The following ZBTB16 variants were observed in gnomAD, a reference collection of about 807,000 sequenced individuals.
ZBTB16 encodes the protein zinc finger and BTB domain-containing protein 16.
A neutral mutation model predicts 56.8 loss-of-function variants in ZBTB16; 8 were observed. The ratio of observed to expected loss-of-function variants is 0.14; its 90% confidence interval spans 0.08 to 0.25. ZBTB16 has a LOEUF of 0.25. Ranked by LOEUF, ZBTB16 falls within the 10% of genes least tolerant of loss-of-function variation. The probability of loss-of-function intolerance (pLI) is 1.00; values close to 1 mark genes in which losing one functional copy is unlikely to be tolerated. For synonymous variants in ZBTB16, 363 were observed against 368.5 expected (o/e 0.98, Z 0.17); for missense variants, 625 against 903.0 (o/e 0.69, Z 3.95).
intron 3 of ZBTB16, among the ~76,000 whole-genome samples, chr11:114,169,802 C>T (rs1353896033): frequency 2.6e-5 from 4 of 152,246 alleles, no homozygotes; most frequent in East Asian, 1.9e-4. Flanking sequence ...AGGAGAGCTT[C>T]GGGAAGGAGG....
chr11:114,121,080 T>C (rs1664520024), intron 2 of ZBTB16, among the ~76,000 whole-genome samples: 1 of 152,194 alleles, frequency 6.6e-6, no homozygotes, highest in Non-Finnish European at 1.5e-5. Flanking sequence ...AGAGACACCA[T>C]AGAATTGTAT....
chr11:114,166,467 G>A (rs912829214), intron 3 of ZBTB16, among the ~76,000 whole-genome samples: 2 of 152,116 alleles, frequency 1.3e-5, no homozygotes, highest in African/African-American at 4.8e-5. Flanking sequence ...CACCATGTGT[G>A]CATGTGTGTG....
chr11:114,071,950 A>G (rs1021303416), intron 2 of ZBTB16, among the ~76,000 whole-genome samples: 2 of 152,244 alleles, frequency 1.3e-5, no homozygotes, highest in Non-Finnish European at 2.9e-5. Context: ...CTGTTTGCTC[A>G]TTTGTGAAAC....
intron 2 of ZBTB16, among the ~76,000 whole-genome samples, chr11:114,151,864 G>T (rs1268237798): frequency 6.6e-6 from 1 of 152,230 alleles, no homozygotes; most frequent in Non-Finnish European, 1.5e-5. Context: ...AGCTGTTGTG[G>T]TCAGCTCTCT....
rs184373539 is a variant in ZBTB16 at position 114,250,998 on chromosome 11, G to A, written c.*443G>A. On this transcript the variant is annotated 3_prime_UTR_variant, in exon 7 of 7. Transcript: ENST00000335953. This position sits in a 1 kb window ranked among gnomAD's most constrained non-coding sequence, Gnocchi z 6.0. ...GAGGGAGGAGGTGAGCCAGAAGGGCGCTCCCCTGCTGATGGGTCTGGGCTG... is the reference window on the plus strand; with the variant it reads ...GAGGGAGGAGGTGAGCCAGAAGGGCACTCCCCTGCTGATGGGTCTGGGCTG... Among the ~76,000 whole-genome samples the A allele has an allele frequency of 7.2e-5, 11 of 152,202 alleles. No homozygotes were observed. Among genetic ancestry groups the A allele is most frequent in the African/African-American group, 1.4e-4 (6 of 41,526 alleles).
chr11:114,175,388 A>G (rs998460470), intron 3 of ZBTB16, among the ~76,000 whole-genome samples: 3 of 152,196 alleles, frequency 2.0e-5, no homozygotes, highest in African/African-American at 4.8e-5. Context: ...TGTGCTAACT[A>G]CTTTACATGC....
intron 2 of ZBTB16, among the ~76,000 whole-genome samples, chr11:114,107,509 T>C (rs976132708): frequency 6.6e-6 from 1 of 152,160 alleles, no homozygotes; most frequent in Non-Finnish European, 1.5e-5. Flanking sequence ...GGATCTTTTC[T>C]CCCTTGGTGT....
intron 2 of ZBTB16, among the ~76,000 whole-genome samples, chr11:114,106,802 T>C (rs1434223168): frequency 6.6e-6 from 1 of 152,126 alleles, no homozygotes; most frequent in Non-Finnish European, 1.5e-5. Context: ...GGAAAAGAAA[T>C]CTAGCTCTTT....
chr11:114,166,750 G>A (rs1942768777), intron 3 of ZBTB16, among the ~76,000 whole-genome samples: 1 of 152,100 alleles, frequency 6.6e-6, no homozygotes, highest in African/African-American at 2.4e-5. Context: ...TGAAAATGTT[G>A]ATTTTGTGTG....
chr11:114,090,827 G>C (rs1202259091), intron 2 of ZBTB16, among the ~76,000 whole-genome samples: 1 of 152,104 alleles, frequency 6.6e-6, no homozygotes, highest in Non-Finnish European at 1.5e-5. Context: ...ACTCTTGGTT[G>C]GTTTCTGCTT....
chr11:114,138,677 T>A (rs973405905), intron 2 of ZBTB16, among the ~76,000 whole-genome samples: 35 of 142,692 alleles, frequency 2.5e-4, no homozygotes, highest in South Asian at 6.5e-4. Context: ...TCTTTTTTAA[T>A]TTTTTTTTAA....
intron 3 of ZBTB16, among the ~76,000 whole-genome samples, chr11:114,166,539 A>G (rs745664069): frequency 1.1e-4 from 17 of 152,142 alleles, no homozygotes; most frequent in Non-Finnish European, 2.1e-4. Context: ...TGAAATACTC[A>G]AATTTGTTCC....
intron 2 of ZBTB16, among the ~76,000 whole-genome samples, chr11:114,078,844 G>A (rs1275578913): frequency 2.0e-5 from 3 of 151,666 alleles, no homozygotes; most frequent in East Asian, 1.9e-4. Flanking sequence ...GTCACCTGAG[G>A]TCAGGAGTTT....
chr11:114,235,630 C>CTTTCTTTCTTTCTTTCTT (rs1944552501), intron 4 of ZBTB16, among the ~76,000 whole-genome samples: 1 of 13,786 alleles, frequency 7.3e-5, no homozygotes, highest in African/African-American at 1.4e-4. Context: ...CTCTCCCTTC[C>CTTTCTTTCTTTCTTTCTT]TTTCTTTCTT....
At chr11:114,193,427 C>T (rs78202964) in intron 4 of ZBTB16, among the ~76,000 whole-genome samples, 3,412 of 152,126 alleles carry the variant, frequency 0.022, 73 homozygotes, top group Non-Finnish European at 0.028. Context: ...TGCTCAGTGC[C>T]GAGGGGAGAT....
chr11:114,105,228 G>C, intron 2 of ZBTB16, among the ~76,000 whole-genome samples: 1 of 149,206 alleles, frequency 6.7e-6, no homozygotes, highest in Admixed American at 6.6e-5. Flanking sequence ...AATTAATTCT[G>C]TCTCTCTCTC....
At chr11:114,104,983 A>G (rs2137763398) in intron 2 of ZBTB16, among the ~76,000 whole-genome samples, 1 of 152,106 alleles carries the variant, frequency 6.6e-6, no homozygotes, top group Admixed American at 6.5e-5. Context: ...TTCCTGACCC[A>G]TTTTGCAGAG....
At chr11:114,124,935 G>C (rs1735895417) in intron 2 of ZBTB16, among the ~76,000 whole-genome samples, 1 of 152,102 alleles carries the variant, frequency 6.6e-6, no homozygotes, top group Admixed American at 6.5e-5. Context: ...GTTTGGGGAG[G>C]CATGGTCATG....
At chr11:114,247,078 G>A (rs1944829842) in intron 5 of ZBTB16, 120 bp from the exon 6 acceptor site, 6 of 1,328,366 alleles carry the variant, frequency 4.5e-6, no homozygotes, top group South Asian at 3.6e-5. Context: ...TCCTTAAGTT[G>A]TCTTTGGAGG....
Sources: gnomAD v4.1 joint callset for allele counts (sites outside exome capture counted in the v4.1 genomes callset) on GRCh38, gnomAD v4.1.1 for gene constraint, Gnocchi (gnomAD v3.1) non-coding constraint, MANE v1.5 for transcripts, NCBI Gene and HGNC (gene_info 2026-07-23, HGNC 2026-07-21) for gene names.